The following RANBP2 variants were observed in gnomAD, a reference collection of about 807,000 sequenced individuals.
RANBP2 encodes E3 SUMO-protein ligase RanBP2.
A neutral mutation model predicts 303.6 loss-of-function variants in RANBP2; 57 were observed. The observed-to-expected ratio is 0.19, with a 90% CI of 0.15 to 0.23. The LOEUF is 0.23. RANBP2 is among the 10% of genes least tolerant of loss of function. The pLI is 1.00. For synonymous variants in RANBP2, 1,167 were observed against 1,301.5 expected (o/e 0.90, Z 2.23); for missense variants, 3,138 against 3,780.8 (o/e 0.83, Z 4.46).
chr2:108,869,775 C>A, the RANBP2 span, among the ~76,000 whole-genome samples: 1 of 152,148 alleles, frequency 6.6e-6, no homozygotes, highest in Non-Finnish European at 1.5e-5. Flanking sequence ...ACTCCCTACA[C>A]CGTTCCCAAG....
At chr2:108,939,618 G>A in the RANBP2 span, among the ~76,000 whole-genome samples, 107,006 of 152,056 alleles carry the variant, frequency 0.7, 40,003 homozygotes, top group Non-Finnish European at 0.83. Context: ...CCGTTAGGAA[G>A]TGCAGTCACA....
chr2:109,567,845 GTCA>G, the RANBP2 span: 1 of 1,611,382 alleles, frequency 6.2e-7, no homozygotes, highest in Non-Finnish European at 8.5e-7. Context: ...TAGCAATAGT[GTCA>G]TCATCCGTTG....
chr2:109,557,477 A>G, the RANBP2 span, among the ~76,000 whole-genome samples: 1 of 152,216 alleles, frequency 6.6e-6, no homozygotes, highest in African/African-American at 2.4e-5. Context: ...GAAAAGTAAA[A>G]AGCTGGGATT....
At chr2:108,854,755 G>A in the RANBP2 span, among the ~76,000 whole-genome samples, 4 of 152,218 alleles carry the variant, frequency 2.6e-5, no homozygotes, top group South Asian at 2.1e-4. Flanking sequence ...CCAGGGGCCT[G>A]TTTATAGGTG....
chr2:109,076,020 C>T, the RANBP2 span, among the ~76,000 whole-genome samples: 2 of 150,560 alleles, frequency 1.3e-5, no homozygotes, highest in Non-Finnish European at 3.0e-5. Flanking sequence ...CTCTGATGAA[C>T]ATAGATGCAA....
At chr2:108,902,704 G>A in the RANBP2 span, among the ~76,000 whole-genome samples, 2 of 152,116 alleles carry the variant, frequency 1.3e-5, no homozygotes, top group Non-Finnish European at 2.9e-5. Context: ...GCTTATTCCA[G>A]GGAGGCAAGG....
chr2:108,993,309 G>A, the RANBP2 span, among the ~76,000 whole-genome samples: 115,290 of 152,082 alleles, frequency 0.76, 43,867 homozygotes, highest in East Asian at 0.9. Flanking sequence ...AAACTGACAG[G>A]AAACTGTGGC....
chr2:108,937,659 T>A, the RANBP2 span, among the ~76,000 whole-genome samples: 1 of 152,056 alleles, frequency 6.6e-6, no homozygotes, highest in East Asian at 1.9e-4. Flanking sequence ...TATGTGTATG[T>A]TTATATGTGT....
chr2:109,360,323 C>CCAGAGT, the RANBP2 span, among the ~76,000 whole-genome samples: 1 of 152,222 alleles, frequency 6.6e-6, no homozygotes, highest in Admixed American at 6.5e-5. Context: ...GCATATAAAT[C>CCAGAGT]CAGAGTCAGA....
chr2:109,065,205 T>G, the RANBP2 span, among the ~76,000 whole-genome samples: 1 of 152,194 alleles, frequency 6.6e-6, no homozygotes, highest in Non-Finnish European at 1.5e-5. Flanking sequence ...CATCAATGTG[T>G]GTTCTCTGAA....
At chr2:109,251,286 C>T in the RANBP2 span, 30 of 376,672 alleles carry the variant, frequency 8.0e-5, no homozygotes, top group African/African-American at 2.7e-4. Flanking sequence ...TAATTACAGG[C>T]GTGAGCCACC....
the RANBP2 span, among the ~76,000 whole-genome samples, chr2:109,566,636 T>C: frequency 6.6e-6 from 1 of 152,050 alleles, no homozygotes; most frequent in Non-Finnish European, 1.5e-5. Flanking sequence ...AATGTCAATA[T>C]AGTAAATGTC....
chr2:109,390,974 C>T, the RANBP2 span, among the ~76,000 whole-genome samples: 1 of 152,232 alleles, frequency 6.6e-6, no homozygotes, highest in South Asian at 2.1e-4. Context: ...GCTTGGCCAA[C>T]TGCCCCCAAG....
rs758155568 is a variant in RANBP2, at chr2:108,748,935, A to G, written c.1079A>G (p.Asn360Ser). The change falls in exon 9 of 29, where the codon AAC becomes AGC. Residue 360 changes from asparagine to serine, a missense_variant. By Grantham distance (46) the Asn-to-Ser change is conservative (BLOSUM62 1). This residue lies in a region of RANBP2 where 95 missense variants were observed against 86.4 expected (regional missense o/e 1.10). Transcript: ENST00000283195. The part of the protein sequence containing the change: ...RLSQSGHMLL[N>S]LSRGKQDFLK... ...TTTTTTTCAGGGCACATGTTGCTAA[A>G]CTTAAGTCGTGGCAAGCAAGATTTT... 1.3e-5 allele frequency: 21 copies of G among 1,611,914 alleles called. No homozygotes were observed. In the South Asian group the frequency reaches 1.9e-4, roughly 14 times the overall value.
At chr2:109,129,662 G>A in the RANBP2 span, 1 of 1,507,458 alleles carries the variant, frequency 6.6e-7, no homozygotes, top group South Asian at 1.2e-5. Flanking sequence ...ACCGCCGCGG[G>A]GGCGGGCGAG....
chr2:109,392,814 C>T, the RANBP2 span, among the ~76,000 whole-genome samples: 4 of 152,310 alleles, frequency 2.6e-5, no homozygotes, highest in African/African-American at 9.6e-5. Context: ...CACGCACGGC[C>T]CCCTGGCTTC....
At chr2:109,298,466 C>A in the RANBP2 span, among the ~76,000 whole-genome samples, 3 of 152,078 alleles carry the variant, frequency 2.0e-5, no homozygotes. Flanking sequence ...AGGGAAAAAC[C>A]ATTTCTGAGC....
At chr2:109,100,606 C>T in the RANBP2 span, among the ~76,000 whole-genome samples, 6 of 152,108 alleles carry the variant, frequency 3.9e-5, no homozygotes, top group East Asian at 7.7e-4. Context: ...GTAGTGGACC[C>T]GCCTGGAGAG....
the RANBP2 span, among the ~76,000 whole-genome samples, chr2:109,400,056 A>G: frequency 6.6e-6 from 1 of 152,242 alleles, no homozygotes; most frequent in Admixed American, 6.5e-5. Flanking sequence ...GGCAGACACC[A>G]ATAAGCAACT....
Sources: gnomAD v4.1 joint callset for allele counts (sites outside exome capture counted in the v4.1 genomes callset) on GRCh38, gnomAD v4.1.1 for gene constraint, gnomAD v4.1.1 regional missense constraint, MANE v1.5 for transcripts, NCBI Gene and HGNC (gene_info 2026-07-23, HGNC 2026-07-21) for gene names.